Variants in PSD3 observed in about 807,000 individuals in gnomAD.
The protein encoded by PSD3 is PH and SEC7 domain-containing protein 3.
Under a neutral mutation model 105.5 loss-of-function variants are expected in PSD3, and 49 were observed. The ratio of observed to expected loss-of-function variants is 0.46; its 90% CI spans 0.37 to 0.59. The LOEUF is 0.59. Among genes scored for constraint, PSD3 ranks in the 20% least tolerant of loss-of-function variants. The pLI is 0.00. For missense variants in PSD3, 1,561 were observed against 1,263.8 expected (o/e 1.24, Z -3.57); for synonymous variants, 557 against 457.8 (o/e 1.22, Z -2.77).
intron 12 of PSD3, among the ~76,000 whole-genome samples, chr8:18,578,895 G>A (rs1344658592): frequency 1.3e-5 from 2 of 152,024 alleles, no homozygotes; most frequent in Non-Finnish European, 2.9e-5. Flanking sequence ...TATACTGGAA[G>A]GAGAACACTA....
chr8:19,047,415 A>G (rs1563529280), intron 1 of PSD3, among the ~76,000 whole-genome samples: 1 of 152,214 alleles, frequency 6.6e-6, no homozygotes, highest in Non-Finnish European at 1.5e-5. Flanking sequence ...GTCAGATGAT[A>G]AAATTCCACC....
intron 1 of PSD3, among the ~76,000 whole-genome samples, chr8:18,998,981 A>G (rs1432449005): frequency 6.6e-6 from 1 of 151,968 alleles, no homozygotes; most frequent in Non-Finnish European, 1.5e-5. Context: ...CATTTCTTAA[A>G]AACCTAAAAT....
chr8:18,702,599 T>TA (rs1801649217), intron 9 of PSD3, among the ~76,000 whole-genome samples: 1 of 152,076 alleles, frequency 6.6e-6, no homozygotes, highest in Non-Finnish European at 1.5e-5. Context: ...CTTCTAGCTA[T>TA]AGGTACTCTT....
chr8:18,633,481 G>C (rs1390806027), intron 10 of PSD3, among the ~76,000 whole-genome samples: 2 of 152,026 alleles, frequency 1.3e-5, no homozygotes, highest in South Asian at 2.1e-4. Flanking sequence ...CCAATGTTTA[G>C]CTTCCACTTT....
chr8:18,665,390 G>A (rs79393481), intron 9 of PSD3, among the ~76,000 whole-genome samples: 3,653 of 152,320 alleles, frequency 0.024, 143 homozygotes, highest in African/African-American at 0.082. Context: ...CAGTAACACA[G>A]CTAGAATTAG....
rs199517529 is a variant in PSD3, at chr8:18,575,288, A to G, written c.2482-3T>C. 251 of 1,561,642 alleles carry G rather than the reference A, an allele frequency of 1.6e-4. 1 individual carries two copies. The African/African-American group carries it at 3.1e-3, about 20-fold the overall frequency. On this transcript the variant is annotated splice_region_variant and splice_polypyrimidine_tract_variant and intron_variant, in intron 12 of 15. Transcript: ENST00000327040. ...GCCTTTTCTGGCTTGTATTCATCCT[A>G]TAGATGGACACAAAGAAAATAAAGG...
At chr8:18,821,872 CCACA>C (rs5889830) in intron 4 of PSD3, among the ~76,000 whole-genome samples, 21,078 of 137,252 alleles carry the variant, frequency 0.15, 1,654 homozygotes, top group African/African-American at 0.23. Context: ...TGCACACACA[CCACA>C]CACACACACA....
intron 4 of PSD3, among the ~76,000 whole-genome samples, chr8:18,826,307 C>T (rs997968384): frequency 4.3e-4 from 66 of 152,252 alleles, no homozygotes; most frequent in African/African-American, 1.5e-3. Flanking sequence ...GAACCAATTC[C>T]CTATAATGAA....
chr8:18,869,620 G>T (rs549343467), intron 3 of PSD3, among the ~76,000 whole-genome samples: 2 of 152,154 alleles, frequency 1.3e-5, no homozygotes, highest in African/African-American at 2.4e-5. Context: ...GTTCCCTCTA[G>T]CTGGAACATT....
At chr8:18,708,732 C>A (rs1442900631) in intron 9 of PSD3, among the ~76,000 whole-genome samples, 1 of 151,946 alleles carries the variant, frequency 6.6e-6, no homozygotes. Context: ...GTGGCTCCCA[C>A]CCAGAGGAAC....
chr8:18,578,999 A>G (rs1431805942), intron 12 of PSD3, among the ~76,000 whole-genome samples: 1 of 152,054 alleles, frequency 6.6e-6, no homozygotes, highest in African/African-American at 2.4e-5. Context: ...TTTCTAGTTG[A>G]TAATACAATT....
At chr8:18,796,670 A>G (rs1277450117) in intron 8 of PSD3, among the ~76,000 whole-genome samples, 2 of 152,218 alleles carry the variant, frequency 1.3e-5, no homozygotes, top group Non-Finnish European at 2.9e-5. Flanking sequence ...CCAAGAGGGG[A>G]GTCAGACCTC....
intron 1 of PSD3, chr8:18,940,121 T>A (rs1822434644): frequency 6.6e-6 from 1 of 152,160 alleles, no homozygotes; most frequent in Non-Finnish European, 1.5e-5. Flanking sequence ...ACTGCTGGGG[T>A]CCATCCCAGA....
intron 4 of PSD3, among the ~76,000 whole-genome samples, chr8:18,843,470 C>T (rs1218919170): frequency 2.0e-5 from 3 of 151,978 alleles, no homozygotes; most frequent in African/African-American, 7.3e-5. Context: ...CTTCATATAA[C>T]GAAGTAATAT....
At chr8:18,971,367 G>C (rs1256062841) in intron 1 of PSD3, among the ~76,000 whole-genome samples, 1 of 152,196 alleles carries the variant, frequency 6.6e-6, no homozygotes, top group Non-Finnish European at 1.5e-5. Context: ...TCAGTGGACA[G>C]TCCCCTCCCA....
intron 8 of PSD3, among the ~76,000 whole-genome samples, chr8:18,766,411 T>C (rs544272912): frequency 7.9e-5 from 12 of 152,364 alleles, no homozygotes; most frequent in Middle Eastern, 3.4e-3. Context: ...TGGTTTATTA[T>C]GCTTTTAAAA....
At chr8:18,996,139 G>C (rs1235263877) in intron 1 of PSD3, among the ~76,000 whole-genome samples, 5 of 151,176 alleles carry the variant, frequency 3.3e-5, no homozygotes, top group Non-Finnish European at 7.4e-5. Flanking sequence ...TTACCCATCT[G>C]TTGCCCTGTG....
rs1361540314 is a variant in PSD3, at chr8:18,936,094, C to G, written c.70G>C (p.Val24Leu). 1.2e-6 allele frequency: 2 copies of G among 1,613,296 alleles called. No homozygotes were observed. Among genetic ancestry groups the G allele is most frequent in the African/African-American group, 2.7e-5 (2 of 74,904 alleles). The change falls in exon 2 of 16, where the codon GTT becomes CTT. Residue 24 changes from valine to leucine, a missense_variant. Physicochemically the swap from Val to Leu is conservative, Grantham distance 32. Transcript: ENST00000327040. ...VNNASAHSQS[V>L]AKAKYEFLFG... Reference sequence around the variant, plus strand: ...AAAAATTCATATTTGGCCTTGGCAACACTCTGGGAATGTGCAGATGCATTG... The same window carrying G: ...AAAAATTCATATTTGGCCTTGGCAAGACTCTGGGAATGTGCAGATGCATTG...
At chr8:18,701,798 A>C (rs1206398875) in intron 9 of PSD3, among the ~76,000 whole-genome samples, 2 of 152,228 alleles carry the variant, frequency 1.3e-5, no homozygotes, top group African/African-American at 4.8e-5. Context: ...CTGCATAGCC[A>C]TGAGCTTTCC....
Sources: allele counts gnomAD v4.1 joint callset (sites outside exome capture counted in the v4.1 genomes callset), GRCh38; gene constraint gnomAD v4.1.1; transcripts MANE v1.5; gene names NCBI Gene and HGNC (gene_info 2026-07-23, HGNC 2026-07-21).